The following ATF7 variants were observed in gnomAD, a reference collection of about 807,000 sequenced individuals.
ATF7 encodes the protein activating transcription factor 7, also known as cyclic AMP-dependent transcription factor ATF-7.
In ATF7, 10 loss-of-function variants were observed where a neutral mutation model predicts 50.4. The ratio of observed to expected loss-of-function variants is 0.20; its 90% CI spans 0.12 to 0.34. The LOEUF (loss-of-function observed/expected upper bound fraction) is 0.34, where lower values mean the gene tolerates loss of function less well. ATF7 is among the 10% of genes least tolerant of loss of function. The pLI is 1.00. For missense variants in ATF7, 465 were observed against 613.9 expected (o/e 0.76, Z 2.56); for synonymous variants, 201 against 226.4 (o/e 0.89, Z 1.01).
At chr12:53,550,323 C>CAA (rs72114384) in intron 3 of ATF7, among the ~76,000 whole-genome samples, 16 of 126,372 alleles carry the variant, frequency 1.3e-4, no homozygotes, top group South Asian at 2.5e-4. Flanking sequence ...GACCCTGTCT[C>CAA]AAAAAAAAAA....
intron 1 of ATF7, among the ~76,000 whole-genome samples, chr12:53,618,174 C>A (rs988866217): frequency 2.0e-5 from 3 of 152,188 alleles, no homozygotes; most frequent in African/African-American, 7.2e-5. Flanking sequence ...ACTGGGTCGA[C>A]AGAAACATTT....
intron 4 of ATF7, among the ~76,000 whole-genome samples, chr12:53,542,109 T>TTTTTTTTTTG: frequency 7.1e-6 from 1 of 141,382 alleles, no homozygotes; most frequent in African/African-American, 2.6e-5. Flanking sequence ...CCTGGCCTGT[T>TTTTTTTTTTG]TTTTTTTTTT....
At chr12:53,621,022 C>T (rs933425783) in intron 1 of ATF7, among the ~76,000 whole-genome samples, 1 of 152,180 alleles carries the variant, frequency 6.6e-6, no homozygotes, top group Non-Finnish European at 1.5e-5. Flanking sequence ...GAACCACTGG[C>T]AAGTTATGCA....
At chr12:53,560,604 C>T (rs1357008340) in intron 2 of ATF7, among the ~76,000 whole-genome samples, 1 of 152,170 alleles carries the variant, frequency 6.6e-6, no homozygotes, top group African/African-American at 2.4e-5. Flanking sequence ...TGCTTTTGGC[C>T]ACCACAGCAC....
chr12:53,525,084 T>C, intron 9 of ATF7: 1 of 215,686 alleles, frequency 4.6e-6, no homozygotes, highest in South Asian at 8.9e-5. Context: ...ACCGGCACAG[T>C]GGCTCGCGCC....
intron 8 of ATF7, among the ~76,000 whole-genome samples, chr12:53,532,185 G>C (rs1027940182): frequency 6.6e-6 from 1 of 152,130 alleles, no homozygotes; most frequent in South Asian, 2.1e-4. Context: ...GCCAAATGCT[G>C]GTTACGCAGC....
At chr12:53,625,424 G>A (rs910163918) in intron 1 of ATF7, among the ~76,000 whole-genome samples, 1 of 152,114 alleles carries the variant, frequency 6.6e-6, no homozygotes, top group African/African-American at 2.4e-5. Flanking sequence ...CCAACCACCT[G>A]ATACCTAGGC....
intron 3 of ATF7, among the ~76,000 whole-genome samples, chr12:53,545,792 G>C (rs1565939348): frequency 1.3e-5 from 2 of 152,250 alleles, no homozygotes; most frequent in East Asian, 3.9e-4. Context: ...CAGTGGCTAA[G>C]GCCTGTAATC....
chr12:53,534,797 G>T lies in ATF7; in HGVS notation c.403-138C>A, dbSNP rs1053879910. 6 of 991,732 alleles carry T rather than the reference G, an allele frequency of 6.1e-6. No homozygotes were observed. The African/African-American group carries it at 8.4e-5, about 14-fold the overall frequency. The allele number at this position is 991,732 out of a possible 1,614,324, so 61.4% of individuals were successfully genotyped here. On this transcript the variant is annotated intron_variant, in intron 5 of 11. Coordinates refer to ENST00000420353, the MANE Select transcript of ATF7 (RefSeq NM_006856.3). ...TTAAATCATGACCTGATTCCATCAG[G>T]ATCAGGGACCCATAACTCACTCATC...
chr12:53,554,135 A>G (rs1940558797), intron 2 of ATF7, among the ~76,000 whole-genome samples: 1 of 151,886 alleles, frequency 6.6e-6, no homozygotes, highest in South Asian at 2.1e-4. Flanking sequence ...ATTTTTATTT[A>G]TTTATTTATC....
intron 1 of ATF7, among the ~76,000 whole-genome samples, chr12:53,621,893 T>C (rs1010124223): frequency 1.3e-5 from 2 of 151,902 alleles, no homozygotes; most frequent in African/African-American, 2.4e-5. Flanking sequence ...ATTCCCCCCG[T>C]AGTTTGTATT....
At chr12:53,554,761 A>T (rs1940605419) in intron 2 of ATF7, among the ~76,000 whole-genome samples, 1 of 148,838 alleles carries the variant, frequency 6.7e-6, no homozygotes, top group Non-Finnish European at 1.5e-5. Context: ...TACTTGGGAG[A>T]CTGAGGCACG....
Position 53,543,403 on chromosome 12 carries a change from A to T in ATF7, c.191T>A (p.Val64Glu). ...PTRFLKNCEE[V>E]GLFNELASSF... ...GCTAGCTAGTTCATTGAAGAGTCCC[A>T]CCTCCTCACAGTTCTTCAGGAATCT... The change falls in exon 4 of 12, where the codon GTG becomes GAG. Residue 64 changes from valine (V) to glutamate (E), a missense_variant. Transcript: ENST00000420353. 6.9e-6 allele frequency: 11 copies of T among 1,601,226 alleles called. No individual in the cohort carries two copies. Among genetic ancestry groups the T allele is most frequent in the Non-Finnish European group, 9.4e-6 (11 of 1,173,304 alleles).
chr12:53,595,234 C>T (rs368891278), intron 2 of ATF7, among the ~76,000 whole-genome samples: 4 of 152,134 alleles, frequency 2.6e-5, no homozygotes, highest in Admixed American at 6.5e-5. Context: ...CTTCACCTGT[C>T]GAAACATGTA....
chr12:53,546,739 C>T (rs1020899275), intron 3 of ATF7, among the ~76,000 whole-genome samples: 5 of 151,400 alleles, frequency 3.3e-5, no homozygotes, highest in Non-Finnish European at 7.4e-5. Context: ...CATGAGCCAC[C>T]GCACCTGGCC....
At chr12:53,517,583 A>G (rs571771213) in intron 11 of ATF7, 1 of 558,078 alleles carries the variant, frequency 1.8e-6, no homozygotes, top group South Asian at 2.1e-5. Context: ...TATCTATTCC[A>G]ATAAAATGAA....
At chr12:53,552,093 A>T (rs1940395398) in intron 3 of ATF7, among the ~76,000 whole-genome samples, 1 of 152,184 alleles carries the variant, frequency 6.6e-6, no homozygotes, top group Admixed American at 6.6e-5. Flanking sequence ...AGGGAAGTTG[A>T]ATTTATGAAC....
intron 2 of ATF7, among the ~76,000 whole-genome samples, chr12:53,579,672 A>C (rs907649663): frequency 2.0e-5 from 3 of 152,088 alleles, no homozygotes; most frequent in African/African-American, 7.2e-5. Context: ...AATTATGACA[A>C]AGCAGTCTGC....
chr12:53,543,592 T>G, intron 3 of ATF7, 144 bp from the exon 4 acceptor site: 1 of 858,698 alleles, frequency 1.2e-6, no homozygotes, highest in Non-Finnish European at 1.7e-6. Context: ...TTAATGGAGC[T>G]CTAGTAGGCG....
Sources: gnomAD v4.1 joint callset for allele counts (sites outside exome capture counted in the v4.1 genomes callset) on GRCh38, gnomAD v4.1.1 for gene constraint, MANE v1.5 for transcripts, NCBI Gene and HGNC (gene_info 2026-07-23, HGNC 2026-07-21) for gene names.